Variants in SP4 observed in about 807,000 individuals in gnomAD.
SP4 encodes the protein transcription factor Sp4.
A neutral mutation model predicts 72.8 loss-of-function variants in SP4; 19 were observed. The observed-to-expected ratio is 0.26, with a 90% CI of 0.18 to 0.38. The LOEUF (loss-of-function observed/expected upper bound fraction) is 0.38. SP4 is among the 10% of genes least tolerant of loss of function. The pLI is 1.00. For synonymous variants in SP4, 395 were observed against 333.1 expected (o/e 1.19, Z -2.02); for missense variants, 1,008 against 926.3 (o/e 1.09, Z -1.14).
intron 5 of SP4, among the ~76,000 whole-genome samples, chr7:21,495,732 A>C (rs1021522123): frequency 6.6e-6 from 1 of 152,196 alleles, no homozygotes; most frequent in African/African-American, 2.4e-5. Flanking sequence ...TGATCTAGCA[A>C]ATCTACTTCT....
Position 21,430,368 on chromosome 7 carries a change from A to C in SP4, c.1203A>C (p.Gln401His), listed in dbSNP as rs773198449. 2 of 1,614,186 alleles carry C rather than the reference A, an allele frequency of 1.2e-6. No individual in the cohort carries two copies. Among genetic ancestry groups the C allele is most frequent in the Admixed American group, 1.7e-5 (1 of 60,006 alleles). Residue 401 changes from glutamine to histidine, a missense_variant, in exon 3 of 6, where the codon CAA becomes CAC. Physicochemically the swap from Gln to His is conservative, Grantham distance 24. Transcript: ENST00000222584. Reference protein sequence around the residue: ...NSLQQVQIVGQPILQQIQIQQ... With the variant: ...NSLQQVQIVGHPILQQIQIQQ... ...TTCAGCAGGTGCAAATTGTAGGCCAACCTATCTTACAGCAGATCCAGATCC... is the reference window on the plus strand; with the variant it reads ...TTCAGCAGGTGCAAATTGTAGGCCACCCTATCTTACAGCAGATCCAGATCC...
At position 21,476,999 on chromosome 7, in the gene SP4, A is replaced by T; in HGVS notation, c.1679-80A>T. 14 of 1,006,474 alleles carry T rather than the reference A, an allele frequency of 1.4e-5. No individual in the cohort carries two copies. In the South Asian group the frequency reaches 2.3e-4, roughly 16 times the overall value. The allele number at this position is 1,006,474 out of a possible 1,614,324, so 62.3% of individuals were successfully genotyped here. On this transcript the variant is annotated intron_variant, in intron 3 of 5. Transcript: ENST00000222584. ...CACAGATTGTTAGAAAAAATTTATT[A>T]TGCACATAGATTTTTTTTTTTAATC...
intron 4 of SP4, among the ~76,000 whole-genome samples, chr7:21,479,152 C>A (rs1784603428): frequency 6.6e-6 from 1 of 151,478 alleles, no homozygotes; most frequent in Non-Finnish European, 1.5e-5. Flanking sequence ...TGCCTTTGCA[C>A]CAAAGTTTTA....
At chr7:21,470,369 G>GT (rs1255620025) in intron 3 of SP4, among the ~76,000 whole-genome samples, 1 of 152,156 alleles carries the variant, frequency 6.6e-6, no homozygotes, top group Admixed American at 6.5e-5. Flanking sequence ...TGTCTTACTA[G>GT]TAAGACCAGA....
chr7:21,434,245 GCTAAAA>G (rs1056278635), intron 3 of SP4, among the ~76,000 whole-genome samples: 19 of 152,292 alleles, frequency 1.2e-4, no homozygotes, highest in Admixed American at 9.8e-4. Context: ...AGGACAATGA[GCTAAAA>G]CTCTCCACCA....
intron 5 of SP4, among the ~76,000 whole-genome samples, chr7:21,500,320 A>G (rs372471990): frequency 3.9e-5 from 6 of 152,332 alleles, no homozygotes; most frequent in African/African-American, 1.4e-4. Flanking sequence ...AATTTTTTAT[A>G]AGGTTATATC....
intron 5 of SP4, among the ~76,000 whole-genome samples, chr7:21,486,931 C>G (rs1784830387): frequency 6.6e-6 from 1 of 152,164 alleles, no homozygotes; most frequent in South Asian, 2.1e-4. Flanking sequence ...AAATAAAATA[C>G]TAAAGCTTCA....
intron 3 of SP4, among the ~76,000 whole-genome samples, chr7:21,440,269 A>G (rs533875210): frequency 6.6e-6 from 1 of 152,172 alleles, no homozygotes; most frequent in Non-Finnish European, 1.5e-5. Flanking sequence ...TACCTCATAG[A>G]GTCTCAAAGA....
intron 3 of SP4, among the ~76,000 whole-genome samples, chr7:21,456,732 T>G (rs986300052): frequency 2.6e-5 from 4 of 152,196 alleles, no homozygotes; most frequent in African/African-American, 9.7e-5. Flanking sequence ...GAGGAAATCC[T>G]AGACAGCACA....
At position 21,430,322 on chromosome 7, in the gene SP4, C is replaced by A. The variant is rs1311592699; in HGVS notation, c.1157C>A (p.Ala386Glu). Residue 386 changes from alanine (A) to glutamate (E), a missense_variant, in exon 3 of 6, where the codon GCA becomes GAA. By Grantham distance (107) the Ala-to-Glu change is moderately radical. This residue lies in a region of SP4 where 893 missense variants were observed against 743.3 expected (regional missense o/e 1.20). Coordinates refer to ENST00000222584, the MANE Select transcript of SP4 (RefSeq NM_003112.5). The stretch of plus-strand genomic sequence containing the variant: ...CTTCAGCCTAATGGAATGCAGAATG[C>A]ACAGGATCAATCAAATTCTCTTCAG... ...SQLQPNGMQN[A>E]QDQSNSLQQV... 6.2e-7 allele frequency: 1 copy of A among 1,614,220 alleles called. No individual in the cohort carries two copies. Among genetic ancestry groups the A allele is most frequent in the South Asian group, 1.1e-5 (1 of 91,090 alleles).
chr7:21,448,258 T>C (rs1291028859), intron 3 of SP4, among the ~76,000 whole-genome samples: 3 of 147,590 alleles, frequency 2.0e-5, no homozygotes, highest in African/African-American at 5.0e-5. Context: ...ACTACTATTA[T>C]ACAGAAATTT....
chr7:21,428,176 T>TCCAG lies in SP4; in HGVS notation c.-74_-73insAGCC. The TCCAG allele has an allele frequency of 4.2e-6, 3 of 718,774 alleles. No homozygotes were observed. Among genetic ancestry groups the TCCAG allele is most frequent in the Non-Finnish European group, 5.0e-6 (2 of 396,138 alleles). 44.5% of individuals were successfully genotyped at this position (718,774 alleles called of 1,614,324 possible). On this transcript the variant is annotated 5_prime_UTR_variant, in exon 1 of 6. Transcript: ENST00000222584. ...ACCGCGGGCGGGCGGGACCGGCCTC[T>TCCAG]CCTCCCGCCTCGCCCCCACCCCCAC...
intron 3 of SP4, among the ~76,000 whole-genome samples, chr7:21,467,280 A>C (rs1374993815): frequency 6.6e-6 from 1 of 152,134 alleles, no homozygotes; most frequent in African/African-American, 2.4e-5. Flanking sequence ...CACTGGCTTA[A>C]AGGTACTTAG....
chr7:21,468,122 T>C (rs1350046084), intron 3 of SP4, among the ~76,000 whole-genome samples: 2 of 152,168 alleles, frequency 1.3e-5, no homozygotes, highest in African/African-American at 2.4e-5. Flanking sequence ...ACAGTTGGAT[T>C]ATTTTGTGTA....
chr7:21,449,444 CTTA>C (rs1322863946), intron 3 of SP4, among the ~76,000 whole-genome samples: 4 of 152,016 alleles, frequency 2.6e-5, no homozygotes, highest in Non-Finnish European at 4.4e-5. Context: ...GGCAAAGAAT[CTTA>C]TTATTAAGAA....
intron 4 of SP4, 131 bp from the exon 5 acceptor site, chr7:21,481,780 TCTGATTTGAACTA>T (rs1784696245): frequency 3.1e-6 from 2 of 637,890 alleles, no homozygotes; most frequent in African/African-American, 3.7e-5. Flanking sequence ...CTGAAAATTT[TCTGATTTGAACTA>T]CAGTTATGGC....
intron 3 of SP4, among the ~76,000 whole-genome samples, chr7:21,437,513 C>T (rs938292644): frequency 1.3e-5 from 2 of 151,488 alleles, no homozygotes; most frequent in Non-Finnish European, 2.9e-5. Context: ...ATTTTTTTTT[C>T]AAATACCAGG....
At chr7:21,473,221 G>A (rs894010491) in intron 3 of SP4, among the ~76,000 whole-genome samples, 9 of 152,156 alleles carry the variant, frequency 5.9e-5, no homozygotes, top group Non-Finnish European at 8.8e-5. Context: ...CGTAAGAGCT[G>A]TTAGGCAGTA....
At chr7:21,428,899 A>G in intron 2 of SP4, 107 bp downstream of exon 2, 1 of 888,676 alleles carries the variant, frequency 1.1e-6, no homozygotes, top group East Asian at 2.7e-5. Flanking sequence ...TATCCACTCA[A>G]AGCATCTTTC....
Sources: gnomAD v4.1 joint callset for allele counts (sites outside exome capture counted in the v4.1 genomes callset) on GRCh38, gnomAD v4.1.1 for gene constraint, gnomAD v4.1.1 regional missense constraint, MANE v1.5 for transcripts, NCBI Gene and HGNC (gene_info 2026-07-23, HGNC 2026-07-21) for gene names.